RASAL2: variants seen among roughly 807,000 people sequenced by gnomAD.
RASAL2 encodes ras GTPase-activating protein nGAP.
In RASAL2, 58 loss-of-function variants were observed where a neutral mutation model predicts 128.9. The observed-to-expected ratio is 0.45, with a 90% CI of 0.36 to 0.56. The LOEUF is 0.56. RASAL2 is among the 20% of genes least tolerant of loss of function. The probability of loss-of-function intolerance (pLI) is 0.00; values close to 1 mark genes in which losing one functional copy is unlikely to be tolerated. For synonymous variants in RASAL2, 561 were observed against 580.8 expected (o/e 0.97, Z 0.49); for missense variants, 1,360 against 1,601.6 (o/e 0.85, Z 2.57).
chr1:178,360,681 G>C (rs1571925714), intron 3 of RASAL2, among the ~76,000 whole-genome samples: 1 of 152,274 alleles, frequency 6.6e-6, no homozygotes. Context: ...CCACTGACTG[G>C]GTGGCTTAGA....
chr1:178,328,621 C>T (rs1669148486), intron 3 of RASAL2, among the ~76,000 whole-genome samples: 1 of 152,194 alleles, frequency 6.6e-6, no homozygotes, highest in Non-Finnish European at 1.5e-5. Flanking sequence ...ACTAGGTAGA[C>T]ATAATGATGA....
At chr1:178,321,210 A>C (rs191476319) in intron 3 of RASAL2, among the ~76,000 whole-genome samples, 12 of 152,104 alleles carry the variant, frequency 7.9e-5, no homozygotes, top group Admixed American at 2.6e-4. Context: ...CAGCCTCCCA[A>C]GTAGCTGAGA....
chr1:178,276,477 A>G (rs771693878), intron 1 of RASAL2, among the ~76,000 whole-genome samples: 11 of 152,092 alleles, frequency 7.2e-5, no homozygotes, highest in Non-Finnish European at 1.2e-4. Flanking sequence ...ATAAATCTGC[A>G]GTATATTGTG....
chr1:178,325,757 A>G (rs1209560167), intron 3 of RASAL2, among the ~76,000 whole-genome samples: 1 of 152,190 alleles, frequency 6.6e-6, no homozygotes, highest in Non-Finnish European at 1.5e-5. Flanking sequence ...TACAGTATAG[A>G]GTTACAGTAA....
At chr1:178,141,613 T>G (rs544173274) in intron 1 of RASAL2, among the ~76,000 whole-genome samples, 1 of 152,210 alleles carries the variant, frequency 6.6e-6, no homozygotes, top group South Asian at 2.1e-4. Flanking sequence ...CTCCAACTGC[T>G]TCCTGCTTAA....
At chr1:178,305,219 C>T (rs981862769) in intron 3 of RASAL2, among the ~76,000 whole-genome samples, 5 of 152,152 alleles carry the variant, frequency 3.3e-5, no homozygotes, top group Non-Finnish European at 7.3e-5. Context: ...AATGTCCATA[C>T]TGCACAAAGC....
At chr1:178,231,316 G>A (rs575941613) in intron 1 of RASAL2, among the ~76,000 whole-genome samples, 1 of 152,076 alleles carries the variant, frequency 6.6e-6, no homozygotes, top group Non-Finnish European at 1.5e-5. Context: ...TCATATGCTT[G>A]TTGGCCTTTA....
At chr1:178,351,717 A>G (rs1670516763) in intron 3 of RASAL2, among the ~76,000 whole-genome samples, 1 of 147,510 alleles carries the variant, frequency 6.8e-6, no homozygotes, top group Non-Finnish European at 1.5e-5. Context: ...TGACAGAGCG[A>G]GACTCTATCT....
Position 178,331,284 on chromosome 1 carries a change from G to A in RASAL2, c.457+31166G>A, listed in dbSNP as rs59314483. ...CTCCTAGGCTCAAGCAAATCCACCC[G>A]CCTCAGCCTCCTGAGTAGCTGGGAG... On this transcript the variant is annotated intron_variant, in intron 3 of 17. Coordinates refer to ENST00000367649, the MANE Select transcript of RASAL2 (RefSeq NM_170692.4). Among the ~76,000 whole-genome samples, 854 of 152,266 alleles carry A rather than the reference G, an allele frequency of 5.6e-3. 11 individuals carry two copies. Among genetic ancestry groups the A allele is most frequent in the African/African-American group, 0.019 (794 of 41,544 alleles).
rs71297900 is a variant in RASAL2 at position 178,141,193 on chromosome 1, C to CTTTTTTTTTTTTTT, written c.202+46511_202+46524dup. Among the ~76,000 whole-genome samples the CTTTTTTTTTTTTTT allele has an allele frequency of 2.2e-4, 16 of 73,946 alleles. 1 individual carries two copies. Among genetic ancestry groups the CTTTTTTTTTTTTTT allele is most frequent in the Admixed American group, 4.3e-4 (2 of 4,668 alleles). 48.5% of individuals were successfully genotyped at this position (73,946 alleles called of 152,430 possible). A position where few individuals can be genotyped will look rare whatever the true frequency, so the allele number is the denominator to read the frequency against. ...CTGGAGACCACTTTTCTTTTCTTTT[C>CTTTTTTTTTTTTTT]TTTTTTTTTTTTTTTTTTTTTTTTT... On this transcript the variant is annotated intron_variant, in intron 1 of 17. Transcript: ENST00000367649.
intron 17 of RASAL2, among the ~76,000 whole-genome samples, chr1:178,471,267 C>T (rs1479615219): frequency 2.0e-5 from 3 of 151,934 alleles, no homozygotes; most frequent in Admixed American, 6.6e-5. Context: ...CCTAATAATG[C>T]GAGTAGGGAG....
At chr1:178,464,013 G>C (rs1349312722) in intron 14 of RASAL2, among the ~76,000 whole-genome samples, 1 of 152,060 alleles carries the variant, frequency 6.6e-6, no homozygotes, top group African/African-American at 2.4e-5. Context: ...CAATTTTAAG[G>C]CTTTGACTTT....
chr1:178,187,986 T>C (rs1662363924), intron 1 of RASAL2, among the ~76,000 whole-genome samples: 1 of 152,132 alleles, frequency 6.6e-6, no homozygotes. Context: ...CTTTGGAAGA[T>C]AGCTATACAA....
intron 3 of RASAL2, among the ~76,000 whole-genome samples, chr1:178,333,630 C>G (rs1669449664): frequency 6.6e-6 from 1 of 152,092 alleles, no homozygotes; most frequent in African/African-American, 2.4e-5. Flanking sequence ...TAAATGAGTT[C>G]AAAAACCCAA....
chr1:178,210,839 C>T (rs1341677222), intron 1 of RASAL2, among the ~76,000 whole-genome samples: 2 of 152,146 alleles, frequency 1.3e-5, no homozygotes, highest in Admixed American at 6.5e-5. Flanking sequence ...TGTCCAAACA[C>T]CAAGGGCTCT....
At chr1:178,262,856 T>TA (rs1377856446) in intron 1 of RASAL2, among the ~76,000 whole-genome samples, 1 of 151,740 alleles carries the variant, frequency 6.6e-6, no homozygotes, top group African/African-American at 2.4e-5. Context: ...TGGTGTACAT[T>TA]AAGCTGAACA....
At chr1:178,354,933 T>G (rs139850106) in intron 3 of RASAL2, among the ~76,000 whole-genome samples, 31 of 152,316 alleles carry the variant, frequency 2.0e-4, no homozygotes, top group African/African-American at 7.0e-4. Flanking sequence ...TTGTGAAGCC[T>G]GGGCAACATG....
chr1:178,245,676 T>C (rs1181438343), intron 1 of RASAL2, among the ~76,000 whole-genome samples: 1 of 152,234 alleles, frequency 6.6e-6, no homozygotes, highest in Non-Finnish European at 1.5e-5. Flanking sequence ...GCCTAGGTTT[T>C]CTTCTAGGGT....
At chr1:178,299,168 A>G (rs959300505) in intron 2 of RASAL2, among the ~76,000 whole-genome samples, 2 of 152,200 alleles carry the variant, frequency 1.3e-5, no homozygotes, top group Non-Finnish European at 2.9e-5. Flanking sequence ...GTTGGTATCT[A>G]TACAAGTTTC....
Sources: allele counts gnomAD v4.1 joint callset (sites outside exome capture counted in the v4.1 genomes callset), GRCh38; gene constraint gnomAD v4.1.1; transcripts MANE v1.5; gene names NCBI Gene and HGNC (gene_info 2026-07-23, HGNC 2026-07-21).